FARP1: variants seen among roughly 807,000 people sequenced by gnomAD.
FARP1 encodes the protein FERM, ARHGEF and pleckstrin domain-containing protein 1.
A neutral mutation model predicts 128.8 loss-of-function variants in FARP1; 52 were observed. The ratio of observed to expected loss-of-function variants is 0.40; its 90% CI spans 0.32 to 0.51. FARP1 has a LOEUF of 0.51. Among genes scored for constraint, FARP1 ranks in the 20% least tolerant of loss-of-function variants. The pLI is 0.45. For missense variants in FARP1, 1,333 were observed against 1,367.9 expected, an observed-to-expected ratio of 0.97 and a Z score of 0.40; for synonymous variants, 580 against 551.8, an observed-to-expected ratio of 1.05 and a Z score of -0.72.
chr13:98,162,542 G>A (rs1323519433), intron 1 of FARP1, among the ~76,000 whole-genome samples: 2 of 152,112 alleles, frequency 1.3e-5, no homozygotes, highest in East Asian at 3.9e-4. Flanking sequence ...TCAAACCTGG[G>A]CTGACCTCAC....
intron 6 of FARP1, among the ~76,000 whole-genome samples, chr13:98,378,332 T>C (rs1197355677): frequency 6.6e-6 from 1 of 152,190 alleles, no homozygotes; most frequent in African/African-American, 2.4e-5. Context: ...AGATTTTTGC[T>C]CTTCAGAATT....
intron 18 of FARP1, chr13:98,431,738 G>A (rs1355682363): frequency 1.3e-5 from 2 of 153,576 alleles, no homozygotes; most frequent in Non-Finnish European, 2.9e-5. Flanking sequence ...GGGATTACAG[G>A]CGTGAGCCAC....
intron 24 of FARP1, chr13:98,445,379 G>C (rs1892760064): frequency 6.6e-6 from 1 of 152,260 alleles, no homozygotes; most frequent in Middle Eastern, 3.2e-3. Flanking sequence ...GCTCAGAGTT[G>C]TTTGGAGGTA....
chr13:98,275,829 G>T (rs1884630508), intron 2 of FARP1, among the ~76,000 whole-genome samples: 1 of 152,124 alleles, frequency 6.6e-6, no homozygotes, highest in Admixed American at 6.5e-5. Flanking sequence ...GCAGCAGCAT[G>T]ATTTGTGTAA....
intron 1 of FARP1, among the ~76,000 whole-genome samples, chr13:98,149,898 C>G (rs1253087389): frequency 6.7e-6 from 1 of 149,214 alleles, no homozygotes; most frequent in Non-Finnish European, 1.5e-5. Context: ...CCACCATGCC[C>G]GGCTAATTTT....
intron 17 of FARP1, among the ~76,000 whole-genome samples, chr13:98,430,155 G>A (rs945875462): frequency 4.6e-5 from 7 of 152,184 alleles, no homozygotes; most frequent in African/African-American, 1.7e-4. Flanking sequence ...TCGAGGCTGA[G>A]GCAGGAGGAT....
At chr13:98,435,481 G>T in intron 18 of FARP1, 95 bp from the exon 19 acceptor site, 1 of 1,254,212 alleles carries the variant, frequency 8.0e-7, no homozygotes. Context: ...TGCAGGGACT[G>T]GAGTGATTTC....
In FARP1 at chr13:98,384,837, A is replaced by G. The variant is rs879167154; in HGVS notation, c.604A>G (p.Asn202Asp). The change falls in exon 7 of 27, where the codon AAC (asparagine) becomes GAC (aspartate). Residue 202 changes from asparagine (N) to aspartate (D), a missense_variant. This residue lies in a region of FARP1 where 324 missense variants were observed against 398.1 expected (regional missense o/e 0.81). Coordinates refer to ENST00000319562, the MANE Select transcript of FARP1 (RefSeq NM_005766.4). ...GGACAAAATCGTGGAATTTCACCAT[A>G]ACCACATGTAAGTCTCATTCTTGGC... ...LEDKIVEFHH[N>D]HIGQTPAESD... is the part of the protein sequence containing the mutation. The G allele has an allele frequency of 6.3e-7, 1 of 1,598,028 alleles. No individual in the cohort carries two copies. The highest frequency in any genetic ancestry group is 1.1e-5 in the South Asian group (1 of 90,774).
chr13:98,165,086 A>T (rs1877147762), intron 1 of FARP1, among the ~76,000 whole-genome samples: 1 of 151,824 alleles, frequency 6.6e-6, no homozygotes, highest in South Asian at 2.1e-4. Flanking sequence ...GTGGTGGTAC[A>T]CACCTGTAAT....
rs776258929 is a variant in FARP1 at position 98,435,999 on chromosome 13, AT to A, written c.2274+301del. The A allele has an allele frequency of 3.0e-4, 115 of 379,814 alleles. 1 individual carries two copies. In the Middle Eastern group the frequency reaches 3.2e-3, roughly 11 times the overall value. 23.5% of individuals were successfully genotyped at this position (379,814 alleles called of 1,614,324 possible). On this transcript the variant is annotated intron_variant, in intron 19 of 26. Transcript: ENST00000319562. ...CAGAAGATTTGAGATTGCTTATTTT[AT>A]TTTTTTTAAATGTACATAAATGAAA...
intron 2 of FARP1, among the ~76,000 whole-genome samples, chr13:98,231,895 T>G (rs1882134530): frequency 6.6e-6 from 1 of 152,158 alleles, no homozygotes; most frequent in Admixed American, 6.5e-5. Flanking sequence ...TGGCACAATC[T>G]TGGCTTACTG....
rs141133377 is a variant in FARP1 at position 98,179,945 on chromosome 13, G to A, written c.-23-33275G>A. Among the ~76,000 whole-genome samples, 282 of 152,140 alleles carry A rather than the reference G, an allele frequency of 1.9e-3. 1 individual carries two copies. The highest frequency in any genetic ancestry group is 6.6e-3 in the African/African-American group (273 of 41,512). Reference sequence around the variant, plus strand: ...CTGATTCCCACCTTTGGTTGTTCCCGGGCCCTTTGAGCTTAGGCCCTCCTA... The same window carrying A: ...CTGATTCCCACCTTTGGTTGTTCCCAGGCCCTTTGAGCTTAGGCCCTCCTA... On this transcript the variant is annotated intron_variant, in intron 1 of 26. Coordinates refer to ENST00000319562, the MANE Select transcript of FARP1 (RefSeq NM_005766.4).
At chr13:98,417,455 G>GGGAAA (rs1491453247) in intron 16 of FARP1, among the ~76,000 whole-genome samples, 14 of 58,478 alleles carry the variant, frequency 2.4e-4, no homozygotes, top group South Asian at 6.6e-4. Context: ...CCAGAGGTTT[G>GGGAAA]AAAAAAAAAA....
chr13:98,390,896 A>G lies in FARP1; in HGVS notation c.1088+16A>G, dbSNP rs774707296. The stretch of plus-strand genomic sequence containing the variant: ...AGTTTGAAAGGTAAGAGAAGCTTCA[A>G]TGCTACTTCCAGTCTGAGAAGGCTC... On this transcript the variant is annotated intron_variant, in intron 11 of 26. Coordinates refer to ENST00000319562, the MANE Select transcript of FARP1 (RefSeq NM_005766.4). 5.1e-6 allele frequency: 8 copies of G among 1,575,412 alleles called. No homozygotes were observed. The East Asian group carries it at 6.7e-5, about 13-fold the overall frequency.
Position 98,361,773 on chromosome 13 carries a change from A to G in FARP1, c.277-3622A>G, listed in dbSNP as rs990082507. 3.9e-5 allele frequency among the ~76,000 whole-genome samples: 6 copies of G among 152,088 alleles called. No individual in the cohort carries two copies. In the East Asian group the frequency reaches 7.7e-4, roughly 20 times the overall value. ...TGTCCCTCTCACAGATCGAAGGAGG[A>G]TGAACCTCCTTTGATCTGTCATTAG... On this transcript the variant is annotated intron_variant, in intron 3 of 26. Coordinates refer to ENST00000319562, the MANE Select transcript of FARP1 (RefSeq NM_005766.4).
At chr13:98,410,862 A>G in intron 15 of FARP1, 39 bp downstream of exon 15, 1 of 1,052,404 alleles carries the variant, frequency 9.5e-7, no homozygotes. Flanking sequence ...CGATTACATG[A>G]TTTATCTCAG....
chr13:98,224,539 A>G (rs1191513072), intron 2 of FARP1, among the ~76,000 whole-genome samples: 13 of 28,026 alleles, frequency 4.6e-4, no homozygotes, highest in Non-Finnish European at 1.7e-3. Context: ...AAAAAAAAAA[A>G]AAAAAAGAAA....
At chr13:98,446,542 C>T (rs1202970595) in intron 25 of FARP1, 124 bp from the exon 26 acceptor site, 1 of 994,204 alleles carries the variant, frequency 1.0e-6, no homozygotes, top group East Asian at 2.4e-5. Context: ...TGGTCCCTTC[C>T]AGGCCCACGC....
At chr13:98,285,959 C>T (rs1028061699) in intron 2 of FARP1, among the ~76,000 whole-genome samples, 30 of 152,148 alleles carry the variant, frequency 2.0e-4, no homozygotes, top group East Asian at 5.8e-4. Flanking sequence ...TTTCAGGCCA[C>T]GTCTCCCTCT....
Sources: gnomAD v4.1 joint callset for allele counts (sites outside exome capture counted in the v4.1 genomes callset) on GRCh38, gnomAD v4.1.1 for gene constraint, gnomAD v4.1.1 regional missense constraint, MANE v1.5 for transcripts, NCBI Gene and HGNC (gene_info 2026-07-23, HGNC 2026-07-21) for gene names.